BDP1: variants seen among roughly 807,000 people sequenced by gnomAD.
BDP1 encodes BDP1 general transcription factor IIIB subunit, also known as transcription factor TFIIIB component B'' homolog.
BDP1 carries 169 observed loss-of-function variants against 266.6 expected under a neutral mutation model. That is an observed-to-expected ratio of 0.63 (90% CI 0.56 to 0.72). The LOEUF (loss-of-function observed/expected upper bound fraction) is 0.72. BDP1 is among the 30% of genes least tolerant of loss of function. The probability of loss-of-function intolerance (pLI) is 0.00; values close to 1 mark genes in which losing one functional copy is unlikely to be tolerated. For missense variants in BDP1, 3,015 were observed against 3,053.8 expected, an observed-to-expected ratio of 0.99 and a Z score of 0.30; for synonymous variants, 1,090 against 1,022.4, an observed-to-expected ratio of 1.07 and a Z score of -1.26.
intron 15 of BDP1, among the ~76,000 whole-genome samples, chr5:71,503,511 C>T (rs899691589): frequency 6.6e-6 from 1 of 152,130 alleles, no homozygotes; most frequent in South Asian, 2.1e-4. Flanking sequence ...GAAATAAGTA[C>T]ATATGTGAGT....
chr5:71,496,241 C>CAAA (rs34456179), intron 12 of BDP1, among the ~76,000 whole-genome samples: 1,835 of 109,990 alleles, frequency 0.017, 35 homozygotes, highest in Non-Finnish European at 0.02. Context: ...GACTCCATTT[C>CAAA]AAAAAAAAAA....
intron 21 of BDP1, 116 bp downstream of exon 21, chr5:71,516,387 C>T (rs1158368339): frequency 4.2e-6 from 3 of 707,532 alleles, no homozygotes; most frequent in Non-Finnish European, 6.7e-6. Context: ...TCAATGAATA[C>T]AGTTTCCAGT....
intron 32 of BDP1, among the ~76,000 whole-genome samples, chr5:71,546,744 C>T (rs914425797): frequency 6.6e-6 from 1 of 151,226 alleles, no homozygotes. Context: ...AAGGACAGTA[C>T]TGTTGTCACA....
intron 1 of BDP1, 146 bp downstream of exon 1, chr5:71,456,235 C>T (rs1475270064): frequency 3.9e-6 from 3 of 759,896 alleles, no homozygotes; most frequent in African/African-American, 1.8e-5. Flanking sequence ...CCACTCCAAA[C>T]TGCAGTTTAG....
chr5:71,523,375 C>T (rs559373459), intron 24 of BDP1, among the ~76,000 whole-genome samples: 14 of 152,186 alleles, frequency 9.2e-5, no homozygotes, highest in East Asian at 1.9e-4. Flanking sequence ...AGTACAATTG[C>T]GTGACTCGGC....
intron 13 of BDP1, among the ~76,000 whole-genome samples, chr5:71,498,318 A>G (rs956927036): frequency 3.3e-5 from 5 of 149,766 alleles, no homozygotes; most frequent in African/African-American, 1.2e-4. Flanking sequence ...CTGGTTTCTA[A>G]CTCCTGGCCT....
intron 32 of BDP1, among the ~76,000 whole-genome samples, chr5:71,546,573 G>A (rs958485387): frequency 1.6e-4 from 20 of 127,652 alleles, no homozygotes; most frequent in South Asian, 5.3e-4. Flanking sequence ...GCCAAAGATC[G>A]TGCCATTGTA....
In BDP1 at chr5:71,548,616, C is replaced by T. The variant is rs1742503800; in HGVS notation, c.6745-66C>T. On this transcript the variant is annotated intron_variant, in intron 32 of 38. Transcript: ENST00000358731. ...TAATCTCTTCACTATATCATATTGA[C>T]AGGAATAACTTTTTAAATGTAAGAT... 3 of 961,202 alleles carry T rather than the reference C, an allele frequency of 3.1e-6. No individual in the cohort carries two copies. The East Asian group carries it at 7.2e-5, about 23-fold the overall frequency. 59.5% of individuals were successfully genotyped at this position (961,202 alleles called of 1,614,324 possible).
At chr5:71,471,334 G>T (rs1762237796) in intron 7 of BDP1, among the ~76,000 whole-genome samples, 1 of 151,888 alleles carries the variant, frequency 6.6e-6, no homozygotes, top group South Asian at 2.1e-4. Flanking sequence ...TAGAGAGGGG[G>T]TTTTACCATG....
intron 19 of BDP1, among the ~76,000 whole-genome samples, chr5:71,513,889 T>G (rs1468322309): frequency 6.6e-6 from 1 of 152,050 alleles, no homozygotes; most frequent in East Asian, 1.9e-4. Context: ...CGGCTAATTT[T>G]TTTTTTTGTA....
In BDP1 at chr5:71,509,446, C is replaced by T. The variant is rs62374366; in HGVS notation, c.2373-19C>T. ...GTCTGGTTTAAAACTTGATTGTGTG[C>T]CCCCTTTTTTTTTTATAGCGTTCAA... On this transcript the variant is annotated intron_variant, in intron 16 of 38. Coordinates refer to ENST00000358731, the MANE Select transcript of BDP1 (RefSeq NM_018429.3). The T allele has an allele frequency of 2.2e-6, 1 of 453,958 alleles. No homozygotes were observed. The highest frequency in any genetic ancestry group is 5.7e-5 in the East Asian group (1 of 17,566). The allele number at this position is 453,958 out of a possible 1,614,324, so 28.1% of individuals were successfully genotyped here. A position where few individuals can be genotyped will look rare whatever the true frequency, so the allele number is the denominator to read the frequency against.
chr5:71,507,470 A>G lies in BDP1; in HGVS notation c.2373-1995A>G, dbSNP rs566325449. On this transcript the variant is annotated intron_variant, in intron 16 of 38. Coordinates refer to ENST00000358731, the MANE Select transcript of BDP1 (RefSeq NM_018429.3). Reference sequence around the variant, plus strand: ...ATAGAATATAATTATAACATTGCATATCTGTATCTTACAATCTGAACTGTT... The same window carrying G: ...ATAGAATATAATTATAACATTGCATGTCTGTATCTTACAATCTGAACTGTT... 2.6e-5 allele frequency among the ~76,000 whole-genome samples: 4 copies of G among 152,350 alleles called. No individual in the cohort carries two copies. In the South Asian group the frequency reaches 6.2e-4, roughly 24 times the overall value.
At chr5:71,532,173 A>G (rs1766286767) in intron 25 of BDP1, 135 bp from the exon 26 acceptor site, 2 of 717,870 alleles carry the variant, frequency 2.8e-6, no homozygotes, top group Non-Finnish European at 4.2e-6. Flanking sequence ...ACTCCATTCC[A>G]TTTTTTAAGT....
At chr5:71,539,264 T>C (rs1766814301) in intron 27 of BDP1, among the ~76,000 whole-genome samples, 186 bp downstream of exon 27, 1 of 152,172 alleles carries the variant, frequency 6.6e-6, no homozygotes, top group Non-Finnish European at 1.5e-5. Flanking sequence ...ATTAAAAAAA[T>C]GTTTAAGAAG....
At chr5:71,519,900 A>G (rs568528423) in intron 22 of BDP1, among the ~76,000 whole-genome samples, 4 of 152,152 alleles carry the variant, frequency 2.6e-5, no homozygotes, top group Non-Finnish European at 5.9e-5. Context: ...ACTTTTTTCC[A>G]TAATGGCATT....
In BDP1 at chr5:71,562,820, C is replaced by A. The variant is rs1157213772; in HGVS notation, c.7743+300C>A. On this transcript the variant is annotated intron_variant, in intron 38 of 38. Coordinates refer to ENST00000358731, the MANE Select transcript of BDP1 (RefSeq NM_018429.3). ...AGCAAAAGGAAGCAGTGCTGACACC[C>A]ACAAGAATTTAAGGAACTGTAAAAC... 2.3e-6 allele frequency: 3 copies of A among 1,325,376 alleles called. No homozygotes were observed. In the South Asian group the frequency reaches 3.7e-5, roughly 16 times the overall value. The allele number at this position is 1,325,376 out of a possible 1,614,324, so 82.1% of individuals were successfully genotyped here. A position where few individuals can be genotyped will look rare whatever the true frequency, so the allele number is the denominator to read the frequency against.
intron 32 of BDP1, 33 bp downstream of exon 32, chr5:71,545,252 A>G: frequency 6.4e-7 from 1 of 1,568,110 alleles, no homozygotes; most frequent in Non-Finnish European, 8.7e-7. Context: ...AAGGGATAGC[A>G]AGGTGTTTTC....
At chr5:71,512,789 T>C (rs1764997920) in intron 18 of BDP1, among the ~76,000 whole-genome samples, 1 of 152,122 alleles carries the variant, frequency 6.6e-6, no homozygotes, top group African/African-American at 2.4e-5. Context: ...GTATGGTGGC[T>C]CACACCTGTA....
chr5:71,487,213 A>C (rs1763312062), intron 9 of BDP1, among the ~76,000 whole-genome samples: 1 of 152,096 alleles, frequency 6.6e-6, no homozygotes, highest in African/African-American at 2.4e-5. Context: ...GCTAGCTTAC[A>C]TTTTAGCCCC....
Sources: allele counts gnomAD v4.1 joint callset (sites outside exome capture counted in the v4.1 genomes callset), GRCh38; gene constraint gnomAD v4.1.1; transcripts MANE v1.5; gene names NCBI Gene and HGNC (gene_info 2026-07-23, HGNC 2026-07-21).